NHEJ1: variants seen among roughly 807,000 people sequenced by gnomAD.
NHEJ1 encodes the protein non-homologous end joining factor 1.
A neutral mutation model predicts 39.4 loss-of-function variants in NHEJ1; 22 were observed. The observed-to-expected ratio is 0.56, with a 90% CI of 0.40 to 0.80. The LOEUF is 0.80. Ranked by LOEUF, NHEJ1 falls within the 30% of genes least tolerant of loss-of-function variation. The pLI is 0.00. For missense variants in NHEJ1, 329 were observed against 357.1 expected (o/e 0.92, Z 0.63); for synonymous variants, 154 against 135.6 (o/e 1.14, Z -0.94).
At chr2:219,103,170 C>CG (rs1414685124) in intron 5 of NHEJ1, among the ~76,000 whole-genome samples, 3 of 133,778 alleles carry the variant, frequency 2.2e-5, no homozygotes, top group Non-Finnish European at 3.2e-5. Flanking sequence ...AAAGCAAAAA[C>CG]GGGAAAAAAA....
intron 5 of NHEJ1, among the ~76,000 whole-genome samples, chr2:219,088,807 C>T (rs1949134826): frequency 6.6e-6 from 1 of 151,894 alleles, no homozygotes; most frequent in Non-Finnish European, 1.5e-5. Context: ...TATACTTCAG[C>T]TTTTTTTTGT....
At position 219,150,722 on chromosome 2, in the gene NHEJ1, G is replaced by T. The variant is rs568173946; in HGVS notation, c.391-2927C>A. On this transcript the variant is annotated intron_variant, in intron 3 of 7. Coordinates refer to ENST00000356853, the MANE Select transcript of NHEJ1 (RefSeq NM_024782.3). ...TGTAATCCCAGCACTGTGGGAGGCC[G>T]AGGCAAGTGGATCACCTGAGGTCAG... 2.0e-5 allele frequency among the ~76,000 whole-genome samples: 3 copies of T among 152,220 alleles called. No homozygotes were observed. In the South Asian group the frequency reaches 6.2e-4, roughly 32 times the overall value.
chr2:219,154,277 T>C (rs1042863492), intron 3 of NHEJ1, among the ~76,000 whole-genome samples: 27 of 152,276 alleles, frequency 1.8e-4, no homozygotes, highest in Admixed American at 1.6e-3. Flanking sequence ...AATACACATA[T>C]ACATAGATAT....
intron 5 of NHEJ1, among the ~76,000 whole-genome samples, chr2:219,107,359 C>T (rs1273079016): frequency 6.6e-6 from 1 of 152,144 alleles, no homozygotes; most frequent in Non-Finnish European, 1.5e-5. Context: ...TGTATCTGAT[C>T]AAAATTGCTC....
intron 3 of NHEJ1, among the ~76,000 whole-genome samples, chr2:219,156,998 A>G (rs568627511): frequency 1.3e-5 from 2 of 152,284 alleles, no homozygotes; most frequent in African/African-American, 2.4e-5. Context: ...ACATCTCTAC[A>G]TCTCTTGCCT....
chr2:219,106,151 G>A (rs903560900), intron 5 of NHEJ1, among the ~76,000 whole-genome samples: 3 of 152,194 alleles, frequency 2.0e-5, no homozygotes, highest in Admixed American at 6.5e-5. Flanking sequence ...CCCAGGACTA[G>A]GAGGCATCAT....
chr2:219,112,477 C>T (rs1330076632), intron 5 of NHEJ1, among the ~76,000 whole-genome samples: 1 of 152,144 alleles, frequency 6.6e-6, no homozygotes, highest in Non-Finnish European at 1.5e-5. Flanking sequence ...CAAGAAACTG[C>T]AGTCTCTCCA....
intron 5 of NHEJ1, among the ~76,000 whole-genome samples, chr2:219,139,699 CAG>C (rs1252798096): frequency 6.6e-6 from 1 of 152,144 alleles, no homozygotes; most frequent in Admixed American, 6.5e-5. Context: ...TTTTCTGAGA[CAG>C]AGTCTCGCTC....
rs538452061 is a variant in NHEJ1, at chr2:219,097,579, T to G, written c.589-19373A>C. The stretch of plus-strand genomic sequence containing the variant: ...GGGACTACCCATGTGCTCCGCTATG[T>G]CTGGCTCAACTCCAAGATTTTTAAC... On this transcript the variant is annotated intron_variant, in intron 5 of 7. Coordinates refer to ENST00000356853, the MANE Select transcript of NHEJ1 (RefSeq NM_024782.3). Among the ~76,000 whole-genome samples the G allele has an allele frequency of 7.9e-5, 12 of 152,306 alleles. No individual in the cohort carries two copies. In the South Asian group the frequency reaches 2.1e-3, roughly 26 times the overall value.
At chr2:219,081,873 G>T (rs371703578) in intron 5 of NHEJ1, among the ~76,000 whole-genome samples, 3 of 152,358 alleles carry the variant, frequency 2.0e-5, no homozygotes, top group East Asian at 3.9e-4. Context: ...AAGCATAAAG[G>T]TGTGAAGACA....
rs777732633 is a variant in NHEJ1 at position 219,107,884 on chromosome 2, C to T, written c.589-29678G>A. On this transcript the variant is annotated intron_variant, in intron 5 of 7. Transcript: ENST00000356853. ...TTGTTCTGCTTACAGCCCCACCCTC[C>T]TCCCTTGCCCCACCAACACTAGGAA... 9.6e-4 allele frequency among the ~76,000 whole-genome samples: 146 copies of T among 152,106 alleles called. 2 individuals are homozygous for T. The highest frequency in any genetic ancestry group is 1.7e-3 in the Non-Finnish European group (115 of 68,002).
intron 5 of NHEJ1, among the ~76,000 whole-genome samples, chr2:219,100,286 A>G (rs1019474814): frequency 6.6e-6 from 1 of 152,180 alleles, no homozygotes; most frequent in Non-Finnish European, 1.5e-5. Context: ...TCGAAGGTCC[A>G]GGAGCTAAGG....
chr2:219,104,071 G>GTATGT lies in NHEJ1; in HGVS notation c.589-25866_589-25865insACATA, dbSNP rs1949292066. The stretch of plus-strand genomic sequence containing the variant: ...GTTCTGGTTTTGTTTTTTTTTGTTT[G>GTATGT]TTTGTTTTGTTTTGTCTCAGGTTTA... On this transcript the variant is annotated intron_variant, in intron 5 of 7. Transcript: ENST00000356853. Among the ~76,000 whole-genome samples the GTATGT allele has an allele frequency of 2.7e-5, 4 of 150,108 alleles. No individual in the cohort carries two copies. In the South Asian group the frequency reaches 6.4e-4, roughly 24 times the overall value.
intron 5 of NHEJ1, among the ~76,000 whole-genome samples, chr2:219,115,718 A>G (rs1949407505): frequency 6.6e-6 from 1 of 152,100 alleles, no homozygotes; most frequent in South Asian, 2.1e-4. Context: ...TTCATACACA[A>G]AGTCCACTCC....
chr2:219,087,763 T>C (rs1029804766), intron 5 of NHEJ1, among the ~76,000 whole-genome samples: 4 of 152,158 alleles, frequency 2.6e-5, no homozygotes, highest in Admixed American at 6.5e-5. Flanking sequence ...AAAAGGTTGA[T>C]AAATTGGACT....
At chr2:219,150,421 C>T (rs1949783833) in intron 3 of NHEJ1, among the ~76,000 whole-genome samples, 2 of 152,166 alleles carry the variant, frequency 1.3e-5, no homozygotes, top group South Asian at 4.1e-4. Context: ...TTAGCAAAAA[C>T]TTAACCCTCT....
At chr2:219,160,090 G>C (rs546501889) in intron 1 of NHEJ1, among the ~76,000 whole-genome samples, 1 of 152,266 alleles carries the variant, frequency 6.6e-6, no homozygotes, top group South Asian at 2.1e-4. Flanking sequence ...CTTCAAGGCT[G>C]CCTCTAACAT....
chr2:219,071,705 A>G lies in NHEJ1; in HGVS notation c.*4676T>C, dbSNP rs763057756. 2.6e-5 allele frequency among the ~76,000 whole-genome samples: 4 copies of G among 152,186 alleles called. No individual in the cohort carries two copies. The highest frequency in any genetic ancestry group is 5.9e-5 in the Non-Finnish European group (4 of 68,030). On this transcript the variant is annotated 3_prime_UTR_variant, in exon 8 of 8. Transcript: ENST00000356853. ...GCCCAGCAGGACAAGTAATCCTAGC[A>G]CAATCTTCCCAGGTGAGTCAATGGC...
intron 5 of NHEJ1, among the ~76,000 whole-genome samples, chr2:219,131,194 A>G (rs1949575344): frequency 1.3e-5 from 2 of 152,174 alleles, no homozygotes; most frequent in Admixed American, 1.3e-4. Context: ...GGGGAGGGAA[A>G]TAGATACATG....
Sources: allele counts gnomAD v4.1 joint callset (sites outside exome capture counted in the v4.1 genomes callset), GRCh38; gene constraint gnomAD v4.1.1; transcripts MANE v1.5; gene names NCBI Gene and HGNC (gene_info 2026-07-23, HGNC 2026-07-21).